Variants in STK3 observed in about 807,000 individuals in gnomAD.
STK3 encodes the protein serine/threonine kinase 3.
Under a neutral mutation model 58.0 loss-of-function variants are expected in STK3, and 41 were observed. The observed-to-expected ratio is 0.71, with a 90% CI of 0.55 to 0.92. The LOEUF is 0.92. STK3 is among the 40% of genes least tolerant of loss of function. The pLI is 0.00. For synonymous variants in STK3, 170 were observed against 191.0 expected, an observed-to-expected ratio of 0.89 and a Z score of 0.91; for missense variants, 479 against 602.7, an observed-to-expected ratio of 0.79 and a Z score of 2.15.
rs371706117 is a variant in STK3 at position 98,707,296 on chromosome 8, T to A, written c.367A>T (p.Ile123Phe). 1 of 1,534,612 alleles carries A rather than the reference T, an allele frequency of 6.5e-7. No individual in the cohort carries two copies. The highest frequency in any genetic ancestry group is 1.4e-5 in the African/African-American group (1 of 72,464). The change falls in exon 5 of 11, where the codon ATT becomes TTT. Residue 123 changes from isoleucine (I) to phenylalanine (F), a missense_variant. Ile to Phe is a conservative substitution (Grantham distance 21). Transcript: ENST00000419617. ...LRNKTLIEDEIATILKSTLKG... is the reference protein window; with the variant it reads ...LRNKTLIEDEFATILKSTLKG... The stretch of plus-strand genomic sequence containing the variant: ...AATGTAGATTTAAGAATGGTTGCAA[T>A]TTCATCTTCTATTAACTGGAAAGAA...
At chr8:98,403,239 C>T (rs1437724314) in intron 3 of STK3, among the ~76,000 whole-genome samples, 1 of 152,182 alleles carries the variant, frequency 6.6e-6, no homozygotes, top group Non-Finnish European at 1.5e-5. Flanking sequence ...ATCCAAAAAC[C>T]CCAGACTTGA....
At chr8:98,836,952 G>A (rs1184388249) in intron 3 of STK3, among the ~76,000 whole-genome samples, 2 of 152,032 alleles carry the variant, frequency 1.3e-5, no homozygotes, top group African/African-American at 4.8e-5. Flanking sequence ...ATTTCATTAG[G>A]CATCAGATCA....
chr8:98,414,022 G>T (rs570394385), intron 3 of STK3, among the ~76,000 whole-genome samples: 1 of 152,228 alleles, frequency 6.6e-6, no homozygotes, highest in African/African-American at 2.4e-5. Context: ...CCCACACTTT[G>T]GGAGGCCACA....
At chr8:98,758,755 C>T (rs1368524252) in intron 3 of STK3, among the ~76,000 whole-genome samples, 1 of 152,216 alleles carries the variant, frequency 6.6e-6, no homozygotes, top group African/African-American at 2.4e-5. Context: ...TTAATGTAGC[C>T]ACCTTCATCA....
At chr8:98,840,629 A>G (rs186096564) in intron 3 of STK3, among the ~76,000 whole-genome samples, 1,233 of 117,930 alleles carry the variant, frequency 0.01, 27 homozygotes, top group African/African-American at 0.036. Context: ...ATATATATAT[A>G]CACACACATA....
chr8:98,450,190 G>C (rs1705149705), downstream of STK3, among the ~76,000 whole-genome samples: 1 of 152,170 alleles, frequency 6.6e-6, no homozygotes, highest in Non-Finnish European at 1.5e-5. Context: ...CAGAGAGTAG[G>C]TCAGGCCCTT....
chr8:98,825,676 C>G lies in STK3; in HGVS notation c.-136G>C. 8.9e-7 allele frequency: 1 copy of G among 1,127,540 alleles called. No individual in the cohort carries two copies. Among genetic ancestry groups the G allele is most frequent in the Non-Finnish European group, 1.1e-6 (1 of 911,274 alleles). The allele number at this position is 1,127,540 out of a possible 1,614,324, so 69.8% of individuals were successfully genotyped here. A position where few individuals can be genotyped will look rare whatever the true frequency, so the allele number is the denominator to read the frequency against. On this transcript the variant is annotated 5_prime_UTR_variant, in exon 1 of 11. Coordinates refer to ENST00000419617, the MANE Select transcript of STK3 (RefSeq NM_006281.4). ...AACTCGGACCAACTTTCCCGTAACTCCGCGGCGGATCTCCCTCCCGCTTAG... is the reference window on the plus strand; with the variant it reads ...AACTCGGACCAACTTTCCCGTAACTGCGCGGCGGATCTCCCTCCCGCTTAG...
rs144974406 is a variant in STK3 at position 98,605,686 on chromosome 8, C to G, written c.685-9517G>C. On this transcript the variant is annotated intron_variant, in intron 6 of 10. Coordinates refer to ENST00000419617, the MANE Select transcript of STK3 (RefSeq NM_006281.4). ...AACACAAGTTTATTATCTTACAGCT[C>G]TTTAGGTTAGAAGTACAATATGGCT... Among the ~76,000 whole-genome samples, 286 of 152,226 alleles carry G rather than the reference C, an allele frequency of 1.9e-3. 1 individual carries two copies. Among genetic ancestry groups the G allele is most frequent in the African/African-American group, 6.7e-3 (279 of 41,522 alleles).
At chr8:98,853,825 T>C (rs1325480529) in intron 3 of STK3, among the ~76,000 whole-genome samples, 1 of 152,236 alleles carries the variant, frequency 6.6e-6, no homozygotes, top group Middle Eastern at 3.2e-3. Context: ...TAGGAATTAG[T>C]AATGAATAAT....
intron 6 of STK3, among the ~76,000 whole-genome samples, chr8:98,679,015 C>T (rs1823427904): frequency 1.3e-5 from 2 of 152,124 alleles, no homozygotes; most frequent in South Asian, 4.2e-4. Flanking sequence ...TCTCATATAC[C>T]TAATCCATCA....
intron 4 of STK3, among the ~76,000 whole-genome samples, chr8:98,743,131 A>G (rs1449489863): frequency 6.6e-6 from 1 of 152,118 alleles, no homozygotes; most frequent in Non-Finnish European, 1.5e-5. Context: ...GGAAGAATCA[A>G]TATCGTGAAA....
At chr8:98,589,887 T>C (rs1586949195) in intron 7 of STK3, among the ~76,000 whole-genome samples, 2 of 152,174 alleles carry the variant, frequency 1.3e-5, no homozygotes, top group South Asian at 4.1e-4. Context: ...ACTCCTTTCT[T>C]TGACTAGGAA....
intron 10 of STK3, among the ~76,000 whole-genome samples, chr8:98,490,773 C>T (rs1822624920): frequency 6.6e-6 from 1 of 152,228 alleles, no homozygotes; most frequent in South Asian, 2.1e-4. Flanking sequence ...ATTCCCTGTT[C>T]GTGGGGGTGC....
At chr8:98,493,362 G>T (rs1822868069) in intron 10 of STK3, among the ~76,000 whole-genome samples, 1 of 151,992 alleles carries the variant, frequency 6.6e-6, no homozygotes, top group Non-Finnish European at 1.5e-5. Context: ...CTTCTAGGAA[G>T]AAGTCTACTT....
intron 9 of STK3, among the ~76,000 whole-genome samples, chr8:98,528,151 G>GTAA (rs1417699326): frequency 1.3e-5 from 2 of 151,922 alleles, no homozygotes; most frequent in African/African-American, 2.4e-5. Flanking sequence ...TCTTGCTTAG[G>GTAA]CCATTGTAGC....
At chr8:98,746,398 A>T (rs1239495699) in intron 4 of STK3, among the ~76,000 whole-genome samples, 1 of 152,142 alleles carries the variant, frequency 6.6e-6, no homozygotes, top group Non-Finnish European at 1.5e-5. Context: ...GACTATAATT[A>T]ATATGTTCTA....
intron 8 of STK3, among the ~76,000 whole-genome samples, chr8:98,564,863 A>T (rs991194401): frequency 2.0e-5 from 3 of 152,260 alleles, no homozygotes; most frequent in African/African-American, 7.2e-5. Flanking sequence ...AAAACTAAGT[A>T]AATCTGAAAA....
At position 98,780,987 on chromosome 8, in the gene STK3, T is replaced by C. The variant is rs541129462; in HGVS notation, c.27-6168A>G. ...AGCAGCTTGAAAGTTTAAGTATCCA[T>C]TGTAGAACTTCCACTTCTAGCCACC... On this transcript the variant is annotated intron_variant, in intron 1 of 10. Transcript: ENST00000419617. Among the ~76,000 whole-genome samples, 3 of 152,318 alleles carry C rather than the reference T, an allele frequency of 2.0e-5. No homozygotes were observed. In the East Asian group the frequency reaches 5.8e-4, roughly 29 times the overall value.
intron 4 of STK3, among the ~76,000 whole-genome samples, chr8:98,748,290 G>A (rs989773680): frequency 2.6e-5 from 4 of 152,004 alleles, no homozygotes; most frequent in Admixed American, 2.6e-4. Context: ...TGCTAGTTAA[G>A]CACCATAGAA....
Sources: allele counts gnomAD v4.1 joint callset (sites outside exome capture counted in the v4.1 genomes callset), GRCh38; gene constraint gnomAD v4.1.1; transcripts MANE v1.5; gene names NCBI Gene and HGNC (gene_info 2026-07-23, HGNC 2026-07-21).